EEA1: variants seen among roughly 807,000 people sequenced by gnomAD.
The protein encoded by EEA1 is early endosome antigen 1.
In EEA1, 111 loss-of-function variants were observed where a neutral mutation model predicts 209.2. The ratio of observed to expected loss-of-function variants is 0.53; its 90% CI spans 0.45 to 0.62. The LOEUF (loss-of-function observed/expected upper bound fraction) is 0.62, where lower values mean the gene tolerates loss of function less well. Among genes scored for constraint, EEA1 ranks in the 20% least tolerant of loss-of-function variants. The probability of loss-of-function intolerance (pLI) is 0.00; values close to 1 mark genes in which losing one functional copy is unlikely to be tolerated. For missense variants in EEA1, 1,343 were observed against 1,530.8 expected, an observed-to-expected ratio of 0.88 and a Z score of 2.05; for synonymous variants, 536 against 540.6, an observed-to-expected ratio of 0.99 and a Z score of 0.12.
chr12:92,918,416 AAACTAG>A (rs1212892893), intron 1 of EEA1, among the ~76,000 whole-genome samples: 1 of 109,670 alleles, frequency 9.1e-6, no homozygotes, highest in African/African-American at 4.0e-5. Flanking sequence ...CAGTGCAATG[AAACTAG>A]AACTCAGGAT....
intron 2 of EEA1, among the ~76,000 whole-genome samples, chr12:92,867,294 C>T (rs535592920): frequency 4.6e-5 from 7 of 152,266 alleles, no homozygotes; most frequent in African/African-American, 1.7e-4. Flanking sequence ...CAGGAGCACC[C>T]TCATTAGCTT....
chr12:92,832,385 T>C (rs951394431), intron 11 of EEA1, 127 bp downstream of exon 11: 13 of 897,678 alleles, frequency 1.4e-5, no homozygotes, highest in Non-Finnish European at 2.0e-5. Context: ...GATATAAAAG[T>C]TAAGAGTTAA....
chr12:92,851,405 G>T, intron 8 of EEA1, 139 bp from the exon 9 acceptor site: 2 of 792,152 alleles, frequency 2.5e-6, no homozygotes, highest in African/African-American at 1.8e-5. Context: ...ATTGAACACT[G>T]ATATCTTCTC....
chr12:92,809,411 C>T (rs1013776229), intron 17 of EEA1, among the ~76,000 whole-genome samples: 2 of 150,964 alleles, frequency 1.3e-5, no homozygotes, highest in African/African-American at 2.4e-5. Flanking sequence ...CTGGGCTGGG[C>T]GCGGTGGCTC....
intron 22 of EEA1, among the ~76,000 whole-genome samples, chr12:92,787,077 A>G (rs1470365136): frequency 6.6e-6 from 1 of 152,184 alleles, no homozygotes; most frequent in African/African-American, 2.4e-5. Flanking sequence ...CAGCCTATGG[A>G]TAAAATATAT....
intron 20 of EEA1, among the ~76,000 whole-genome samples, chr12:92,800,526 CT>C (rs1304273789): frequency 6.6e-6 from 1 of 152,202 alleles, no homozygotes; most frequent in Non-Finnish European, 1.5e-5. Context: ...GACGTCTCAG[CT>C]TATCTCCACA....
At chr12:92,881,307 C>G (rs1265286766) in intron 2 of EEA1, among the ~76,000 whole-genome samples, 1 of 152,132 alleles carries the variant, frequency 6.6e-6, no homozygotes. Context: ...GCTACCTACT[C>G]TACTCGGGAG....
Position 92,781,866 on chromosome 12 carries a change from G to C in EEA1, c.3336+84C>G. The C allele has an allele frequency of 4.7e-6, 6 of 1,267,946 alleles. No individual in the cohort carries two copies. In the South Asian group the frequency reaches 1.1e-4, roughly 23 times the overall value. 78.5% of individuals were successfully genotyped at this position (1,267,946 alleles called of 1,614,324 possible). On this transcript the variant is annotated intron_variant, in intron 23 of 28. Coordinates refer to ENST00000322349, the MANE Select transcript of EEA1 (RefSeq NM_003566.4). ...GCTGTTGAAAATAAGGATGATGCCT[G>C]TACTAAATAAGAGGTTTGACTGGAT...
Position 92,777,983 on chromosome 12 carries a change from G to A in EEA1, c.3851C>T (p.Thr1284Met), listed in dbSNP as rs148369443. Residue 1284 changes from threonine to methionine, a missense_variant, in exon 26 of 29, where the codon ACG (threonine) becomes ATG (methionine). This residue lies in a region of EEA1 where 1,307 missense variants were observed against 1,465.5 expected (regional missense o/e 0.89). Transcript: ENST00000322349. ...LRGEIAVLEA[T>M]VQNNQDERRA... ...CCTTTCATCTTGATTATTCTGAACC[G>A]TTGCTTCTAATACTGCAATTTCACC... is the stretch of plus-strand genomic sequence containing the variant. 193 of 1,612,902 alleles carry A rather than the reference G, an allele frequency of 1.2e-4. No homozygotes were observed. The highest frequency in any genetic ancestry group is 1.1e-4 in the South Asian group (10 of 91,042).
chr12:92,882,331 C>G (rs1294555801), intron 2 of EEA1, among the ~76,000 whole-genome samples: 5 of 151,968 alleles, frequency 3.3e-5, no homozygotes, highest in Non-Finnish European at 7.4e-5. Context: ...TGGTCTCAAA[C>G]TCCTGACCTC....
At chr12:92,842,627 T>A in intron 9 of EEA1, 46 bp from the exon 10 acceptor site, 1 of 1,088,600 alleles carries the variant, frequency 9.2e-7, no homozygotes, top group African/African-American at 1.6e-5. Flanking sequence ...CTAAATTGTC[T>A]AAAAGATAAA....
rs907636154 is a variant in EEA1, at chr12:92,779,239, C to T, written c.3530G>A (p.Gly1177Glu). 1.2e-6 allele frequency: 2 copies of T among 1,609,216 alleles called. No homozygotes were observed. Among genetic ancestry groups the T allele is most frequent in the African/African-American group, 2.7e-5 (2 of 74,490 alleles). The change falls in exon 25 of 29, where the codon GGA (glycine) becomes GAA (glutamate). Residue 1177 changes from glycine to glutamate, a missense_variant. By Grantham distance (98) the Gly-to-Glu change is moderately conservative (BLOSUM62 -2). Coordinates refer to ENST00000322349, the MANE Select transcript of EEA1 (RefSeq NM_003566.4). ...LLIQQKLELQGKADSLKAAVE... is the reference protein window; with the variant it reads ...LLIQQKLELQEKADSLKAAVE... ...AGCTGCCTTCAGGGAGTCCGCTTTT[C>T]CTTGAAGTTCTAATTTCTGCTGAAT...
At chr12:92,805,376 C>A (rs1218637372) in intron 18 of EEA1, among the ~76,000 whole-genome samples, 11 of 151,938 alleles carry the variant, frequency 7.2e-5, no homozygotes, top group South Asian at 2.1e-4. Flanking sequence ...AGGATGAAAA[C>A]CATGAAGGTG....
At chr12:92,782,484 A>T (rs1447600373) in intron 22 of EEA1, among the ~76,000 whole-genome samples, 2 of 152,212 alleles carry the variant, frequency 1.3e-5, no homozygotes, top group Non-Finnish European at 2.9e-5. Context: ...TATCAGATAC[A>T]CTCAGAGAAC....
chr12:92,880,244 T>C (rs1444888126), intron 2 of EEA1, among the ~76,000 whole-genome samples: 1 of 152,114 alleles, frequency 6.6e-6, no homozygotes, highest in African/African-American at 2.4e-5. Context: ...CACTGGCAAA[T>C]GCAAATGACT....
intron 1 of EEA1, among the ~76,000 whole-genome samples, chr12:92,909,650 A>T (rs889089486): frequency 6.6e-6 from 1 of 152,244 alleles, no homozygotes; most frequent in African/African-American, 2.4e-5. Flanking sequence ...AGGTCATGGG[A>T]GTTCCACCCT....
chr12:92,885,943 G>A, intron 2 of EEA1, among the ~76,000 whole-genome samples: 1 of 151,880 alleles, frequency 6.6e-6, no homozygotes, highest in East Asian at 1.9e-4. Context: ...AAAGTTCCAA[G>A]GAACATAAAT....
intron 1 of EEA1, among the ~76,000 whole-genome samples, chr12:92,913,027 A>T (rs1880633859): frequency 6.6e-6 from 1 of 152,216 alleles, no homozygotes; most frequent in Non-Finnish European, 1.5e-5. Context: ...TCTTTTTTAT[A>T]CAGTGATTTG....
chr12:92,867,239 C>A (rs1878440729), intron 2 of EEA1, among the ~76,000 whole-genome samples: 1 of 152,184 alleles, frequency 6.6e-6, no homozygotes, highest in Non-Finnish European at 1.5e-5. Context: ...AGCACGCCAT[C>A]ATACTTCAAA....
Sources: gnomAD v4.1 joint callset for allele counts (sites outside exome capture counted in the v4.1 genomes callset) on GRCh38, gnomAD v4.1.1 for gene constraint, gnomAD v4.1.1 regional missense constraint, MANE v1.5 for transcripts, NCBI Gene and HGNC (gene_info 2026-07-23, HGNC 2026-07-21) for gene names.